TUSC3: variants seen among roughly 807,000 people sequenced by gnomAD.
The protein encoded by TUSC3 is tumor suppressor candidate 3, also known as dolichyl-diphosphooligosaccharide--protein glycosyltransferase subunit TUSC3.
A neutral mutation model predicts 44.8 loss-of-function variants in TUSC3; 45 were observed. The ratio of observed to expected loss-of-function variants is 1.00; its 90% confidence interval spans 0.79 to 1.29. The LOEUF (loss-of-function observed/expected upper bound fraction) is 1.29, where lower values mean the gene tolerates loss of function less well. Ranked by LOEUF, TUSC3 falls within the 50% of genes most tolerant of loss-of-function variation. TUSC3 has a pLI of 0.00. For missense variants in TUSC3, 519 were observed against 437.9 expected (o/e 1.19, Z -1.65); for synonymous variants, 212 against 152.9 (o/e 1.39, Z -2.85).
intron 1 of TUSC3, among the ~76,000 whole-genome samples, chr8:15,550,878 G>A (rs111951947): frequency 0.017 from 2,630 of 151,658 alleles, 83 homozygotes; most frequent in African/African-American, 0.061. Flanking sequence ...CATCATGTTC[G>A]CCATGCTGGC....
the TUSC3 span, among the ~76,000 whole-genome samples, chr8:15,789,777 G>C: frequency 6.6e-6 from 1 of 152,236 alleles, no homozygotes; most frequent in Non-Finnish European, 1.5e-5. Context: ...TATAGACCCT[G>C]CTCTCAATGA....
chr8:15,655,467 T>C (rs1807115148), intron 3 of TUSC3, among the ~76,000 whole-genome samples: 1 of 151,962 alleles, frequency 6.6e-6, no homozygotes, highest in Admixed American at 6.6e-5. Context: ...AAGGGAAAAA[T>C]CAAGGGGGAA....
At chr8:15,663,266 A>G (rs1807507940) in intron 5 of TUSC3, among the ~76,000 whole-genome samples, 1 of 151,676 alleles carries the variant, frequency 6.6e-6, no homozygotes, top group South Asian at 2.1e-4. Flanking sequence ...TACATTATAT[A>G]TCTGTATATC....
intron 6 of TUSC3, among the ~76,000 whole-genome samples, chr8:15,699,584 T>G (rs1274470726): frequency 6.6e-6 from 1 of 152,238 alleles, no homozygotes; most frequent in Admixed American, 6.5e-5. Context: ...ACTTATTTCC[T>G]TATTAAATAA....
At chr8:15,674,039 G>T (rs576599878) in intron 6 of TUSC3, among the ~76,000 whole-genome samples, 1 of 152,080 alleles carries the variant, frequency 6.6e-6, no homozygotes, top group East Asian at 1.9e-4. Context: ...GATGAGGGCT[G>T]CTTTAGTGTT....
chr8:15,838,793 T>G, the TUSC3 span, among the ~76,000 whole-genome samples: 71 of 152,324 alleles, frequency 4.7e-4, no homozygotes, highest in African/African-American at 1.6e-3. Flanking sequence ...GGTAGCGTGA[T>G]GACTCCAGCT....
intron 1 of TUSC3, among the ~76,000 whole-genome samples, chr8:15,583,983 G>A (rs1803489367): frequency 6.6e-6 from 1 of 152,186 alleles, no homozygotes; most frequent in Admixed American, 6.5e-5. Flanking sequence ...AGTGTCAGTT[G>A]TTTGTCCTCT....
Position 15,599,824 on chromosome 8 carries a change from T to C in TUSC3, c.139-23256T>C, listed in dbSNP as rs113785252. 1.9e-4 allele frequency among the ~76,000 whole-genome samples: 29 copies of C among 151,638 alleles called. 1 individual carries two copies. The highest frequency in any genetic ancestry group is 6.5e-4 in the African/African-American group (27 of 41,474). ...TGTCTTTATTATTGTAACTTTGTAG[T>C]GTATGTTGAGGTTGGAGGTTGGGAA... On this transcript the variant is annotated intron_variant, in intron 1 of 10. Coordinates refer to ENST00000503731, the MANE Select transcript of TUSC3 (RefSeq NM_006765.4).
intron 1 of TUSC3, among the ~76,000 whole-genome samples, chr8:15,612,140 A>G (rs899242743): frequency 1.3e-5 from 2 of 152,178 alleles, no homozygotes; most frequent in African/African-American, 4.8e-5. Flanking sequence ...GTGAATTACT[A>G]TAAGCAAGTT....
At chr8:15,772,054 A>G in the TUSC3 span, among the ~76,000 whole-genome samples, 5,180 of 152,172 alleles carry the variant, frequency 0.034, 148 homozygotes, top group Non-Finnish European at 0.05. Context: ...GCGCCACTGC[A>G]CTCTAGCCTG....
chr8:15,614,310 A>G (rs1442265239), intron 1 of TUSC3, among the ~76,000 whole-genome samples: 1 of 152,110 alleles, frequency 6.6e-6, no homozygotes, highest in Non-Finnish European at 1.5e-5. Flanking sequence ...TATGTTTTAC[A>G]TTTCTTAACA....
chr8:15,742,702 G>C (rs1189609221), intron 7 of TUSC3, among the ~76,000 whole-genome samples: 1 of 152,126 alleles, frequency 6.6e-6, no homozygotes, highest in Non-Finnish European at 1.5e-5. Flanking sequence ...GGAGGTTCTG[G>C]GCTAGAATTG....
chr8:15,524,736 T>G (rs1412286579), intron 2 of TUSC3, among the ~76,000 whole-genome samples: 3 of 152,186 alleles, frequency 2.0e-5, no homozygotes, highest in African/African-American at 7.2e-5. Context: ...GGTAAAACTC[T>G]TTTCACTGTC....
At chr8:15,710,650 A>G (rs951816249) in intron 6 of TUSC3, among the ~76,000 whole-genome samples, 1 of 151,836 alleles carries the variant, frequency 6.6e-6, no homozygotes, top group African/African-American at 2.4e-5. Flanking sequence ...TGCAGATTGC[A>G]GAAAATGGGA....
At chr8:15,486,445 C>T (rs1292771418) in intron 2 of TUSC3, among the ~76,000 whole-genome samples, 1 of 151,906 alleles carries the variant, frequency 6.6e-6, no homozygotes, top group African/African-American at 2.4e-5. Context: ...CTTTACTCTC[C>T]TACAATTTTC....
At chr8:15,547,201 A>C (rs1292220574) in intron 1 of TUSC3, among the ~76,000 whole-genome samples, 1 of 151,638 alleles carries the variant, frequency 6.6e-6, no homozygotes, top group African/African-American at 2.4e-5. Context: ...AGGGCACTTT[A>C]GTACAGGTTA....
the TUSC3 span, among the ~76,000 whole-genome samples, chr8:15,801,229 T>G: frequency 6.6e-6 from 1 of 152,226 alleles, no homozygotes; most frequent in Admixed American, 6.5e-5. Context: ...TTAGACCATA[T>G]ACGGTAATTT....
intron 2 of TUSC3, among the ~76,000 whole-genome samples, chr8:15,498,042 G>C (rs1251221302): frequency 1.3e-5 from 2 of 152,126 alleles, no homozygotes. Context: ...GAGCCACTGT[G>C]CCCGGCTCTG....
At chr8:15,660,721 A>G (rs1444577864) in intron 4 of TUSC3, among the ~76,000 whole-genome samples, 2 of 151,782 alleles carry the variant, frequency 1.3e-5, no homozygotes, top group Non-Finnish European at 2.9e-5. Context: ...CCTAATTCTT[A>G]TCATTTTTTA....
Sources: gnomAD v4.1 joint callset for allele counts (sites outside exome capture counted in the v4.1 genomes callset) on GRCh38, gnomAD v4.1.1 for gene constraint, MANE v1.5 for transcripts, NCBI Gene and HGNC (gene_info 2026-07-23, HGNC 2026-07-21) for gene names.